CELF2: variants seen among roughly 807,000 people sequenced by gnomAD.
CELF2 encodes the protein CUG triplet repeat RNA-binding protein 2.
In CELF2, 8 loss-of-function variants were observed where a neutral mutation model predicts 62.6. The observed-to-expected ratio is 0.13, with a 90% CI of 0.07 to 0.23. CELF2 has a LOEUF of 0.23. Ranked by LOEUF, CELF2 falls within the 10% of genes least tolerant of loss-of-function variation. CELF2 has a pLI of 1.00. For synonymous variants in CELF2, 258 were observed against 250.0 expected (o/e 1.03, Z -0.30); for missense variants, 333 against 671.0 (o/e 0.50, Z 5.56).
the CELF2 span, among the ~76,000 whole-genome samples, chr10:10,638,825 G>T: frequency 6.6e-6 from 1 of 152,114 alleles, no homozygotes; most frequent in Admixed American, 6.5e-5. Flanking sequence ...ATGAAGAGTG[G>T]ATTCCTATGT....
chr10:11,060,977 A>C (rs1443274435), intron 1 of CELF2, among the ~76,000 whole-genome samples: 4 of 152,210 alleles, frequency 2.6e-5, no homozygotes, highest in African/African-American at 2.4e-5. Flanking sequence ...TTCCTAATTG[A>C]AATCAGGTCA....
the CELF2 span, among the ~76,000 whole-genome samples, chr10:10,614,760 G>A: frequency 2.6e-5 from 4 of 152,114 alleles, no homozygotes; most frequent in Non-Finnish European, 4.4e-5. Flanking sequence ...ACAAGCCACC[G>A]ATTGGAGGTT....
chr10:10,550,856 G>A, the CELF2 span, among the ~76,000 whole-genome samples: 2 of 152,040 alleles, frequency 1.3e-5, no homozygotes, highest in African/African-American at 2.4e-5. Context: ...GAGCCACCAC[G>A]CCTGGCTAAT....
At chr10:11,320,744 C>G in intron 10 of CELF2, 2 of 1,108,582 alleles carry the variant, frequency 1.8e-6, no homozygotes, top group South Asian at 1.4e-5. Context: ...TCCTCCTCAG[C>G]CCTGCAAGCT....
chr10:10,906,252 C>A (rs1169756046), intron 1 of CELF2, among the ~76,000 whole-genome samples: 3 of 152,130 alleles, frequency 2.0e-5, no homozygotes, highest in African/African-American at 7.2e-5. Context: ...ACCTAATTTT[C>A]TTCTATCTTC....
At chr10:10,694,713 A>G in the CELF2 span, among the ~76,000 whole-genome samples, 4 of 151,740 alleles carry the variant, frequency 2.6e-5, no homozygotes, top group African/African-American at 9.7e-5. Context: ...GGGTGCATAT[A>G]TATTTAGGAT....
chr10:11,216,645 G>A (rs1226566784), intron 2 of CELF2, among the ~76,000 whole-genome samples: 6 of 152,214 alleles, frequency 3.9e-5, no homozygotes, highest in East Asian at 1.9e-4. Flanking sequence ...TTTCCATACC[G>A]TTTTCTTTGG....
rs887800581 is a variant in CELF2 at position 11,012,601 on chromosome 10, T to A, written c.53+7161T>A. Among the ~76,000 whole-genome samples, 1 of 152,180 alleles carries A rather than the reference T, an allele frequency of 6.6e-6. No individual in the cohort carries two copies. The highest frequency in any genetic ancestry group is 2.4e-5 in the African/African-American group (1 of 41,440). ...ACGCCTGCAACTGTGTCCTCCCAGC[T>A]GTTGCTGTTCAGCTGTTGTAGTCTG... is the stretch of plus-strand genomic sequence containing the variant. On this transcript the variant is annotated intron_variant, in intron 1 of 12. Transcript: ENST00000416382. This position sits in a 1 kb window ranked among gnomAD's most constrained non-coding sequence, Gnocchi z 5.5.
the CELF2 span, among the ~76,000 whole-genome samples, chr10:10,732,522 T>C: frequency 2.0e-5 from 1 of 51,120 alleles, no homozygotes; most frequent in South Asian, 1.2e-3. Flanking sequence ...TCACTCTCCT[T>C]TTTTTTTTTT....
chr10:10,551,303 G>A, the CELF2 span, among the ~76,000 whole-genome samples: 2 of 152,148 alleles, frequency 1.3e-5, no homozygotes, highest in Non-Finnish European at 2.9e-5. Flanking sequence ...TGAGGCAAGA[G>A]GGAATGGATC....
Position 11,288,690 on chromosome 10 carries a change from T to C in CELF2, c.976+138T>C, listed in dbSNP as rs146305368. ...TACTATACTGGGCTGCTTTATGTCA[T>C]TGGGTTATTTTATTTTTAAAAATGG... On this transcript the variant is annotated intron_variant, in intron 9 of 12. Coordinates refer to ENST00000633077, the MANE Select transcript of CELF2 (RefSeq NM_001326342.2). 50 of 924,456 alleles carry C rather than the reference T, an allele frequency of 5.4e-5. No individual in the cohort carries two copies. The African/African-American group carries it at 7.9e-4, about 15-fold the overall frequency. The allele number at this position is 924,456 out of a possible 1,614,324, so 57.3% of individuals were successfully genotyped here. A position where few individuals can be genotyped will look rare whatever the true frequency, so the allele number is the denominator to read the frequency against.
At chr10:10,915,867 C>T (rs983306601) in intron 1 of CELF2, among the ~76,000 whole-genome samples, 1 of 152,218 alleles carries the variant, frequency 6.6e-6, no homozygotes, top group South Asian at 2.1e-4. Context: ...CCTCTCAAAA[C>T]ATCCAGCATT....
chr10:11,165,797 C>T lies in CELF2; in HGVS notation c.271+115C>T. 1.0e-6 allele frequency: 1 copy of T among 996,350 alleles called. No individual in the cohort carries two copies. Among genetic ancestry groups the T allele is most frequent in the Non-Finnish European group, 1.4e-6 (1 of 697,788 alleles). The allele number at this position is 996,350 out of a possible 1,614,324, so 61.7% of individuals were successfully genotyped here. The stretch of plus-strand genomic sequence containing the variant: ...GGCGGGTAGGCAGGAGGGCTGGAAG[C>T]AGCCGGTGCTGGCGGCCCCTGTGCT... On this transcript the variant is annotated intron_variant, in intron 2 of 12. Coordinates refer to ENST00000633077, the MANE Select transcript of CELF2 (RefSeq NM_001326342.2). This position sits in a 1 kb window ranked among gnomAD's most constrained non-coding sequence, Gnocchi z 7.4.
chr10:11,045,216 A>G (rs1593918479), intron 1 of CELF2, among the ~76,000 whole-genome samples: 1 of 152,120 alleles, frequency 6.6e-6, no homozygotes, highest in African/African-American at 2.4e-5. Flanking sequence ...TGGCATGATA[A>G]TGGCTCACTG....
chr10:11,194,703 A>G (rs1398706818), intron 2 of CELF2, among the ~76,000 whole-genome samples: 5 of 152,238 alleles, frequency 3.3e-5, no homozygotes, highest in African/African-American at 1.2e-4. Context: ...TACTGTGAAT[A>G]TAATGGTAAA....
intron 1 of CELF2, among the ~76,000 whole-genome samples, chr10:10,855,209 A>G (rs1371910085): frequency 6.6e-6 from 1 of 152,094 alleles, no homozygotes; most frequent in African/African-American, 2.4e-5. Flanking sequence ...TCTGCATTTC[A>G]AGATGTCCAT....
At chr10:10,535,445 T>C in the CELF2 span, among the ~76,000 whole-genome samples, 2 of 151,970 alleles carry the variant, frequency 1.3e-5, no homozygotes, top group South Asian at 2.1e-4. Flanking sequence ...TTGGACCGGG[T>C]GCGGTGGCTC....
chr10:10,849,524 A>G (rs1330753040), intron 1 of CELF2, among the ~76,000 whole-genome samples: 1 of 152,164 alleles, frequency 6.6e-6, no homozygotes, highest in African/African-American at 2.4e-5. Flanking sequence ...CTTTCCATAC[A>G]TACTACCTTC....
Position 10,983,559 on chromosome 10 carries a change from T to C in CELF2, c.89+63560T>C, listed in dbSNP as rs916637599. Among the ~76,000 whole-genome samples, 7 of 152,190 alleles carry C rather than the reference T, an allele frequency of 4.6e-5. No individual in the cohort carries two copies. The highest frequency in any genetic ancestry group is 1.0e-4 in the Non-Finnish European group (7 of 68,040). On this transcript the variant is annotated intron_variant, in intron 2 of 13. Coordinates refer to the CELF2 transcript ENST00000636488. The surrounding 1 kb of genome is among the most constrained non-coding windows in gnomAD (Gnocchi z 5.2). Reference sequence around the variant, plus strand: ...CTACCGAAGATACATCCGTAGTTTTTGTTTTTGGTTTTTGGTTTATTTTTT... The same window carrying C: ...CTACCGAAGATACATCCGTAGTTTTCGTTTTTGGTTTTTGGTTTATTTTTT...
Sources: allele counts gnomAD v4.1 joint callset (sites outside exome capture counted in the v4.1 genomes callset), GRCh38; gene constraint gnomAD v4.1.1; non-coding constraint Gnocchi (gnomAD v3.1); transcripts MANE v1.5; gene names NCBI Gene and HGNC (gene_info 2026-07-23, HGNC 2026-07-21).